Variants in CDYL2 observed in about 807,000 individuals in gnomAD.
CDYL2 encodes chromodomain Y like 2, also known as chromodomain Y-like protein 2.
In CDYL2, 23 loss-of-function variants were observed where a neutral mutation model predicts 49.4. The observed-to-expected ratio is 0.47, with a 90% CI of 0.34 to 0.66. The LOEUF is 0.66. CDYL2 is among the 30% of genes least tolerant of loss of function. CDYL2 has a pLI of 0.01. For missense variants in CDYL2, 678 were observed against 656.4 expected (o/e 1.03, Z -0.36); for synonymous variants, 360 against 268.8 (o/e 1.34, Z -3.32).
chr16:80,645,211 A>C (rs1908282170), intron 2 of CDYL2, among the ~76,000 whole-genome samples: 2 of 152,224 alleles, frequency 1.3e-5, no homozygotes, highest in Admixed American at 6.5e-5. Context: ...CCACCTACAG[A>C]ATGGGAGAAC....
chr16:80,671,153 T>A (rs754662893), intron 2 of CDYL2, among the ~76,000 whole-genome samples: 16 of 152,024 alleles, frequency 1.1e-4, no homozygotes, highest in Non-Finnish European at 2.4e-4. Flanking sequence ...TATTAATAGC[T>A]CTCCAGGGAG....
At chr16:80,634,420 C>G (rs1297942894) in intron 2 of CDYL2, among the ~76,000 whole-genome samples, 1 of 152,208 alleles carries the variant, frequency 6.6e-6, no homozygotes, top group East Asian at 1.9e-4. Context: ...ACCGCATGTT[C>G]TCACACATAG....
At chr16:80,758,333 CAA>C (rs1418327217) in intron 1 of CDYL2, among the ~76,000 whole-genome samples, 1 of 110,004 alleles carries the variant, frequency 9.1e-6, no homozygotes, top group East Asian at 2.4e-4. Flanking sequence ...CAATAATAAA[CAA>C]AAGTAATAAC....
chr16:80,715,601 T>C (rs1904771500), intron 1 of CDYL2, among the ~76,000 whole-genome samples: 1 of 152,148 alleles, frequency 6.6e-6, no homozygotes, highest in African/African-American at 2.4e-5. Context: ...CACTCTCACA[T>C]TGCCTCCAGA....
Position 80,719,634 on chromosome 16 carries a change from T to G in CDYL2, c.25-34505A>C, listed in dbSNP as rs57571328. Among the ~76,000 whole-genome samples, 665 of 152,328 alleles carry G rather than the reference T, an allele frequency of 4.4e-3. 5 individuals are homozygous for G. The highest frequency in any genetic ancestry group is 0.016 in the African/African-American group (648 of 41,572). On this transcript the variant is annotated intron_variant, in intron 1 of 6. Coordinates refer to ENST00000570137, the MANE Select transcript of CDYL2 (RefSeq NM_152342.4). The stretch of plus-strand genomic sequence containing the variant: ...ATTGAGACAAACAAGTATCTGTACC[T>G]TGGGTTGCCCAGGAGAAAACAAGGC...
chr16:80,766,086 G>C (rs1033141616), intron 1 of CDYL2, among the ~76,000 whole-genome samples: 5 of 151,948 alleles, frequency 3.3e-5, no homozygotes, highest in Admixed American at 2.6e-4. Context: ...GATGAGGAGG[G>C]TGGGGTGGCA....
intron 1 of CDYL2, among the ~76,000 whole-genome samples, chr16:80,795,424 T>C (rs982067521): frequency 6.6e-6 from 1 of 152,194 alleles, no homozygotes; most frequent in Non-Finnish European, 1.5e-5. Context: ...CCTGCAAGCC[T>C]TCTCAGGAAC....
intron 1 of CDYL2, among the ~76,000 whole-genome samples, chr16:80,764,976 C>T (rs865785943): frequency 6.7e-6 from 1 of 148,674 alleles, no homozygotes; most frequent in Non-Finnish European, 1.5e-5. Flanking sequence ...AGGAGAATGG[C>T]TTGAACCTGG....
intron 1 of CDYL2, among the ~76,000 whole-genome samples, chr16:80,729,199 G>C (rs1487529169): frequency 6.6e-6 from 1 of 152,174 alleles, no homozygotes; most frequent in African/African-American, 2.4e-5. Flanking sequence ...TTGTATTCAG[G>C]AAACCCATTT....
intron 3 of CDYL2, among the ~76,000 whole-genome samples, chr16:80,629,428 A>G (rs1485196331): frequency 6.6e-6 from 1 of 152,208 alleles, no homozygotes; most frequent in East Asian, 1.9e-4. Context: ...GGGCCACGAC[A>G]AGAGCGGTGT....
chr16:80,610,468 A>G (rs1469342290), intron 5 of CDYL2, among the ~76,000 whole-genome samples: 2 of 152,178 alleles, frequency 1.3e-5, no homozygotes, highest in South Asian at 2.1e-4. Flanking sequence ...TGGGGCCACA[A>G]TGGACTGCTC....
intron 1 of CDYL2, among the ~76,000 whole-genome samples, chr16:80,791,719 A>ATTT (rs1437976108): frequency 6.6e-6 from 1 of 152,194 alleles, no homozygotes; most frequent in African/African-American, 2.4e-5. Flanking sequence ...CTGAAAACAG[A>ATTT]TTTCTCTGGA....
chr16:80,629,369 A>G (rs1176775994), intron 3 of CDYL2, among the ~76,000 whole-genome samples: 1 of 152,202 alleles, frequency 6.6e-6, no homozygotes, highest in Non-Finnish European at 1.5e-5. Flanking sequence ...CATATGAAAG[A>G]GCTATTCAAG....
Position 80,612,644 on chromosome 16 carries a change from C to T in CDYL2, c.1200G>A (p.Gln400=), listed in dbSNP as rs756969146. 6.2e-7 allele frequency: 1 copy of T among 1,609,558 alleles called. No homozygotes were observed. Among genetic ancestry groups the T allele is most frequent in the Non-Finnish European group, 8.5e-7 (1 of 1,178,166 alleles). Residue 400 remains glutamine (Q), a synonymous_variant, in exon 5 of 7, where the codon CAG becomes CAA. Coordinates refer to ENST00000570137, the MANE Select transcript of CDYL2 (RefSeq NM_152342.4). The surrounding 1 kb of genome is among the most constrained non-coding windows in gnomAD (Gnocchi z 5.0). The part of the protein sequence containing the change: ...PAGCSSYTFP[Q]ILGVALANEM... ...GGCTTACCAGCGCGACGCCCAGGAT[C>T]TGGGGGAAGGTGTAGGAGGAGCAGC...
chr16:80,676,228 C>A (rs1470725038), intron 2 of CDYL2, among the ~76,000 whole-genome samples: 1 of 151,918 alleles, frequency 6.6e-6, no homozygotes, highest in Non-Finnish European at 1.5e-5. Context: ...TACTTGCCAC[C>A]CTGTGAAAGA....
intron 1 of CDYL2, chr16:80,742,193 G>A (rs1044748924): frequency 9.2e-5 from 14 of 152,234 alleles, no homozygotes. Flanking sequence ...TGCCTACCTA[G>A]CCCAGACTCT....
At chr16:80,714,711 C>T (rs960476971) in intron 1 of CDYL2, among the ~76,000 whole-genome samples, 1 of 152,124 alleles carries the variant, frequency 6.6e-6, no homozygotes, top group African/African-American at 2.4e-5. Context: ...ATCCTGGAAC[C>T]CTGACAAGAA....
intron 1 of CDYL2, among the ~76,000 whole-genome samples, chr16:80,754,109 T>G (rs1906228247): frequency 6.6e-6 from 1 of 152,184 alleles, no homozygotes; most frequent in African/African-American, 2.4e-5. Flanking sequence ...TAATCCCTAT[T>G]TTACAAGCTC....
intron 1 of CDYL2, among the ~76,000 whole-genome samples, chr16:80,777,610 A>C (rs1467699240): frequency 1.3e-5 from 2 of 152,138 alleles, no homozygotes; most frequent in African/African-American, 4.8e-5. Flanking sequence ...TTAAAATAAG[A>C]ATAAAATGAT....
Sources: allele counts gnomAD v4.1 joint callset (sites outside exome capture counted in the v4.1 genomes callset), GRCh38; gene constraint gnomAD v4.1.1; non-coding constraint Gnocchi (gnomAD v3.1); transcripts MANE v1.5; gene names NCBI Gene and HGNC (gene_info 2026-07-23, HGNC 2026-07-21).